Variants in SOWAHB observed in about 807,000 individuals in gnomAD.
The protein encoded by SOWAHB is ankyrin repeat domain-containing protein SOWAHB.
Under a neutral mutation model 18.3 loss-of-function variants are expected in SOWAHB, and 17 were observed. The ratio of observed to expected loss-of-function variants is 0.93; its 90% CI spans 0.64 to 1.40. The LOEUF (loss-of-function observed/expected upper bound fraction) is 1.40, where lower values mean the gene tolerates loss of function less well. SOWAHB is among the 40% of genes most tolerant of loss of function. The pLI is 0.00. For missense variants in SOWAHB, 1,126 were observed against 1,033.7 expected, an observed-to-expected ratio of 1.09 and a Z score of -1.22; for synonymous variants, 496 against 448.1, an observed-to-expected ratio of 1.11 and a Z score of -1.35.
In SOWAHB at chr4:76,895,870, G is replaced by C; in HGVS notation, c.1980C>G (p.Val660=). 1 of 1,614,208 alleles carries C rather than the reference G, an allele frequency of 6.2e-7. No homozygotes were observed. The highest frequency in any genetic ancestry group is 8.5e-7 in the Non-Finnish European group (1 of 1,180,042). Residue 660 remains valine (V), a synonymous_variant, in exon 1 of 1, where the codon GTC becomes GTG. Transcript: ENST00000334306. ...AACTGGACCTCACGTTTACATCAAG[G>C]ACAATCCCTGCCTTCTTTGCTCCAG... The part of the protein sequence containing the change: ...LVSGAKKAGI[V]LDVNVRSSCG...
chr4:76,896,556 T>C lies in SOWAHB; in HGVS notation c.1294A>G (p.Arg432Gly). 1 of 1,613,418 alleles carries C rather than the reference T, an allele frequency of 6.2e-7. No individual in the cohort carries two copies. The highest frequency in any genetic ancestry group is 8.5e-7 in the Non-Finnish European group (1 of 1,179,978). The change falls in exon 1 of 1, where the codon AGG (arginine) becomes GGG (glycine). Residue 432 changes from arginine (R) to glycine (G), a missense_variant. Arg to Gly is a moderately radical substitution (Grantham distance 125). Coordinates refer to ENST00000334306, the MANE Select transcript of SOWAHB (RefSeq NM_001029870.3). ...CCAGCTGGATTCCTGAGCTTCCCCC[T>C]ATCTGGGGTTCCCAAGACAACCTGC... is the stretch of plus-strand genomic sequence containing the variant. The part of the protein sequence containing the change: ...GLQVVLGTPD[R>G]GKLRNPAGGL...
In SOWAHB at chr4:76,897,056, G is replaced by T. The variant is rs1719937585; in HGVS notation, c.794C>A (p.Ala265Asp). The T allele has an allele frequency of 6.5e-7, 1 of 1,540,984 alleles. No homozygotes were observed. Among genetic ancestry groups the T allele is most frequent in the East Asian group, 2.4e-5 (1 of 41,492 alleles). ...AGGCGGGGAAGCCCTGCTTGTCGCAGCCTCGACGGTGGCGGGAGGCGAGTG... is the reference window on the plus strand; with the variant it reads ...AGGCGGGGAAGCCCTGCTTGTCGCATCCTCGACGGTGGCGGGAGGCGAGTG... ...VAHSPPATVE[A>D]ATSRASPPAL... is the part of the protein sequence containing the mutation. Residue 265 changes from alanine to aspartate, a missense_variant, in exon 1 of 1, where the codon GCT (alanine) becomes GAT (aspartate). Transcript: ENST00000334306. The surrounding 1 kb of genome is among the most constrained non-coding windows in gnomAD (Gnocchi z 6.4).
rs772894874 is a variant in SOWAHB, at chr4:76,895,637, A to G, written c.2213T>C (p.Val738Ala). The G allele has an allele frequency of 1.9e-6, 3 of 1,614,122 alleles. No individual in the cohort carries two copies. The highest frequency in any genetic ancestry group is 8.5e-7 in the Non-Finnish European group (1 of 1,180,052). Residue 738 changes from valine to alanine, a missense_variant, in exon 1 of 1, where the codon GTT becomes GCT. Physicochemically the swap from Val to Ala is moderately conservative, Grantham distance 64 (BLOSUM62 0). Coordinates refer to ENST00000334306, the MANE Select transcript of SOWAHB (RefSeq NM_001029870.3). ...GKPIFPVYPL[V>A]GSSSPTRKAK... ...CTTTCTGGTAGGGGAAGAACTTCCA[A>G]CTAAGGGATAGACAGGGAAAATGGG...
Position 76,897,600 on chromosome 4 carries a change from C to G in SOWAHB, c.250G>C (p.Glu84Gln), listed in dbSNP as rs769502393. 10 of 1,609,386 alleles carry G rather than the reference C, an allele frequency of 6.2e-6. No individual in the cohort carries two copies. The South Asian group carries it at 1.1e-4, about 18-fold the overall frequency. ...KRRYRDLLGE[E>Q]GLQRPREPPA... ...GGCTCGCGGGGTCGCTGCAGCCCCTCCTCCCCCAAAAGGTCCCTGTATCTC... is the reference window on the plus strand; with the variant it reads ...GGCTCGCGGGGTCGCTGCAGCCCCTGCTCCCCCAAAAGGTCCCTGTATCTC... Residue 84 changes from glutamate to glutamine, a missense_variant, in exon 1 of 1, where the codon GAG becomes CAG. Physicochemically the swap from Glu to Gln is conservative, Grantham distance 29. Coordinates refer to ENST00000334306, the MANE Select transcript of SOWAHB (RefSeq NM_001029870.3). The surrounding 1 kb of genome is among the most constrained non-coding windows in gnomAD (Gnocchi z 6.4).
Position 76,898,084 on chromosome 4 carries a change from G to T in SOWAHB, c.-235C>A. 1.9e-6 allele frequency: 1 copy of T among 514,906 alleles called. No individual in the cohort carries two copies. Among genetic ancestry groups the T allele is most frequent in the Middle Eastern group, 5.1e-4 (1 of 1,976 alleles). The allele number at this position is 514,906 out of a possible 1,614,324, so 31.9% of individuals were successfully genotyped here. On this transcript the variant is annotated 5_prime_UTR_variant, in exon 1 of 1. Coordinates refer to ENST00000334306, the MANE Select transcript of SOWAHB (RefSeq NM_001029870.3). Reference sequence around the variant, plus strand: ...CGCGGCAGTCTGCGTGAGAGAGGGCGGCTCCGAGGCCGCCCCTGCGCGACT... The same window carrying T: ...CGCGGCAGTCTGCGTGAGAGAGGGCTGCTCCGAGGCCGCCCCTGCGCGACT...
At position 76,896,920 on chromosome 4, in the gene SOWAHB, C is replaced by T. The variant is rs1273675547; in HGVS notation, c.930G>A (p.Val310=). Residue 310 remains valine (V), a synonymous_variant, in exon 1 of 1, where the codon GTG becomes GTA. Coordinates refer to ENST00000334306, the MANE Select transcript of SOWAHB (RefSeq NM_001029870.3). Reference sequence around the variant, plus strand: ...CCTCGGGCACCTGCGGGTGCCTGGCCACCCACTCTCGAGTGCGCTGCTGCT... The same window carrying T: ...CCTCGGGCACCTGCGGGTGCCTGGCTACCCACTCTCGAGTGCGCTGCTGCT... ...QQQQQRTREW[V]ARHPQVPEAR... 4.3e-6 allele frequency: 7 copies of T among 1,611,350 alleles called. No individual in the cohort carries two copies. The highest frequency in any genetic ancestry group is 5.9e-6 in the Non-Finnish European group (7 of 1,179,180).
chr4:76,896,169 G>T lies in SOWAHB; in HGVS notation c.1681C>A (p.Arg561=), dbSNP rs773512197. 1.9e-6 allele frequency: 3 copies of T among 1,556,302 alleles called. No homozygotes were observed. Among genetic ancestry groups the T allele is most frequent in the African/African-American group, 2.7e-5 (2 of 73,026 alleles). Residue 561 remains arginine, a synonymous_variant, in exon 1 of 1, where the codon CGG becomes AGG. Transcript: ENST00000334306. ...LAEVKAVVAE[R]GWRHSLWVPS... is the part of the protein sequence containing the mutation. ...ACCCACAGGCTGTGTCGCCAACCCC[G>T]CTCGGCCACAACAGCCTTAACCTCT...
chr4:76,896,332 T>C lies in SOWAHB; in HGVS notation c.1518A>G (p.Lys506=). Residue 506 remains lysine (K), a synonymous_variant, in exon 1 of 1, where the codon AAA becomes AAG. Coordinates refer to ENST00000334306, the MANE Select transcript of SOWAHB (RefSeq NM_001029870.3). Reference sequence around the variant, plus strand: ...GGTACTCCTCATCAGAGGAGGACAATTTGGCTCTCCCTGCCAGAGAGCTCC... The same window carrying C: ...GGTACTCCTCATCAGAGGAGGACAACTTGGCTCTCCCTGCCAGAGAGCTCC... ...LRRSSLAGRA[K]LSSSDEEYLD... 1 of 1,604,510 alleles carries C rather than the reference T, an allele frequency of 6.2e-7. No individual in the cohort carries two copies. Among genetic ancestry groups the C allele is most frequent in the East Asian group, 2.2e-5 (1 of 44,556 alleles).
Position 76,896,389 on chromosome 4 carries a change from C to T in SOWAHB, c.1461G>A (p.Trp487Ter). 2 of 1,598,630 alleles carry T rather than the reference C, an allele frequency of 1.3e-6. No individual in the cohort carries two copies. Among genetic ancestry groups the T allele is most frequent in the South Asian group, 2.2e-5 (2 of 89,732 alleles). The change falls in exon 1 of 1, where the codon TGG becomes TGA. Residue 487 changes from tryptophan (W) to a stop codon, truncating the protein, a stop_gained. Coordinates refer to ENST00000334306, the MANE Select transcript of SOWAHB (RefSeq NM_001029870.3). LOFTEE classifies it low-confidence loss of function (END_TRUNC). ...GGGACCTCCTTAACTTAGGAACTGG[C>T]CAAGGCAAAGGCTTCAGGGGGTGGC... ...LAGHPLKPLP[W>*]PVPKLRRSLR... is the part of the protein sequence containing the mutation.
chr4:76,895,960 A>C lies in SOWAHB; in HGVS notation c.1890T>G (p.Thr630=). The C allele has an allele frequency of 6.2e-7, 1 of 1,614,156 alleles. No homozygotes were observed. The highest frequency in any genetic ancestry group is 8.5e-7 in the Non-Finnish European group (1 of 1,180,044). ...CTATCCAGTGCAACGCAGTGTACCC[A>C]GTCAAAAAGTCTTTGTGCAAGGCCA... The part of the protein sequence containing the change: ...PQLALHKDFL[T]GYTALHWIAK... The change falls in exon 1 of 1, where the codon ACT becomes ACG. Residue 630 remains threonine, a synonymous_variant. Coordinates refer to ENST00000334306, the MANE Select transcript of SOWAHB (RefSeq NM_001029870.3).
chr4:76,896,703 G>A lies in SOWAHB; in HGVS notation c.1147C>T (p.Arg383Cys), dbSNP rs1719923622. The change falls in exon 1 of 1, where the codon CGC becomes TGC. Residue 383 changes from arginine (R) to cysteine (C), a missense_variant. Transcript: ENST00000334306. ...WAGNPSLTVF[R>C]SIRCQLSLQD... Reference sequence around the variant, plus strand: ...AGGGACAGCTGACAACGAATGCTGCGAAAGACAGTCAATGAAGGGTTCCCC... The same window carrying A: ...AGGGACAGCTGACAACGAATGCTGCAAAAGACAGTCAATGAAGGGTTCCCC... The A allele has an allele frequency of 6.2e-7, 1 of 1,614,004 alleles. No individual in the cohort carries two copies. The highest frequency in any genetic ancestry group is 1.1e-5 in the South Asian group (1 of 91,084).
Position 76,895,363 on chromosome 4 carries a change from G to A in SOWAHB, c.*105C>T, listed in dbSNP as rs1719883995. 8 of 1,151,064 alleles carry A rather than the reference G, an allele frequency of 7.0e-6. No individual in the cohort carries two copies. Among genetic ancestry groups the A allele is most frequent in the Admixed American group, 5.1e-5 (2 of 39,234 alleles). 71.3% of individuals were successfully genotyped at this position (1,151,064 alleles called of 1,614,324 possible). ...CAGGGAGGTCAACACCATCTCACTCGACCATCCTCTTTACCAACTCTCAGC... is the reference window on the plus strand; with the variant it reads ...CAGGGAGGTCAACACCATCTCACTCAACCATCCTCTTTACCAACTCTCAGC... On this transcript the variant is annotated 3_prime_UTR_variant, in exon 1 of 1. Transcript: ENST00000334306.
Position 76,895,846 on chromosome 4 carries a change from A to C in SOWAHB, c.2004T>G (p.Ser668Arg), listed in dbSNP as rs1276670120. 2.5e-6 allele frequency: 4 copies of C among 1,614,100 alleles called. No individual in the cohort carries two copies. The highest frequency in any genetic ancestry group is 3.4e-6 in the Non-Finnish European group (4 of 1,180,052). The stretch of plus-strand genomic sequence containing the variant: ...CAAGGTGCAGCGGGGTATATCCACA[A>C]CTGGACCTCACGTTTACATCAAGGA... ...GIVLDVNVRSSCGYTPLHLAA... is the reference protein window; with the variant it reads ...GIVLDVNVRSRCGYTPLHLAA... Residue 668 changes from serine to arginine, a missense_variant, in exon 1 of 1, where the codon AGT becomes AGG. Ser to Arg is a moderately radical substitution (Grantham distance 110). Transcript: ENST00000334306.
Position 76,897,019 on chromosome 4 carries a change from G to C in SOWAHB, c.831C>G (p.Pro277=). Residue 277 remains proline (P), a synonymous_variant, in exon 1 of 1, where the codon CCC becomes CCG. Transcript: ENST00000334306. The surrounding 1 kb of genome is among the most constrained non-coding windows in gnomAD (Gnocchi z 6.4). ...TSRASPPALL[P]GPAPRGDRPE... is the part of the protein sequence containing the mutation. ...GCCGGTCTCCGCGGGGAGCGGGGCCGGGCAGGAGAGCAGGCGGGGAAGCCC... is the reference window on the plus strand; with the variant it reads ...GCCGGTCTCCGCGGGGAGCGGGGCCCGGCAGGAGAGCAGGCGGGGAAGCCC... 6.4e-7 allele frequency: 1 copy of C among 1,556,822 alleles called. No homozygotes were observed. Among genetic ancestry groups the C allele is most frequent in the Non-Finnish European group, 8.6e-7 (1 of 1,157,658 alleles).
Position 76,895,247 on chromosome 4 carries a change from G to T in SOWAHB, c.*221C>A. The T allele has an allele frequency of 2.1e-6, 1 of 480,878 alleles. No homozygotes were observed. Among genetic ancestry groups the T allele is most frequent in the Non-Finnish European group, 3.6e-6 (1 of 276,026 alleles). 29.8% of individuals were successfully genotyped at this position (480,878 alleles called of 1,614,324 possible). The stretch of plus-strand genomic sequence containing the variant: ...TCCTAGATATCAAGCACCTGGCCCC[G>T]CCTCTTGTCTAGGTTTCTCCAGTCA... On this transcript the variant is annotated 3_prime_UTR_variant, in exon 1 of 1. Coordinates refer to ENST00000334306, the MANE Select transcript of SOWAHB (RefSeq NM_001029870.3).
In SOWAHB at chr4:76,897,233, G is replaced by A; in HGVS notation, c.617C>T (p.Ala206Val). The A allele has an allele frequency of 6.3e-7, 1 of 1,581,450 alleles. No homozygotes were observed. Among genetic ancestry groups the A allele is most frequent in the Non-Finnish European group, 8.5e-7 (1 of 1,172,082 alleles). ...TGCGCCGAGCTCTCCCGGCAGTACA[G>A]CCAGGTTGTTCTGGAGGCATTCCCA... ...CCWECLQNNL[A>V]VLPGELGALP... The change falls in exon 1 of 1, where the codon GCT (alanine) becomes GTT (valine). Residue 206 changes from alanine (A) to valine (V), a missense_variant. Physicochemically the swap from Ala to Val is moderately conservative, Grantham distance 64. Coordinates refer to ENST00000334306, the MANE Select transcript of SOWAHB (RefSeq NM_001029870.3). This position sits in a 1 kb window ranked among gnomAD's most constrained non-coding sequence, Gnocchi z 6.4.
rs150658509 is a variant in SOWAHB, at chr4:76,896,304, C to T, written c.1546G>A (p.Asp516Asn). 1.3e-4 allele frequency: 215 copies of T among 1,608,758 alleles called. 1 individual carries two copies. In the East Asian group the frequency reaches 2.0e-3, roughly 15 times the overall value. ...CGACTTCTTTTCAGCAAGCCCTCAT[C>T]GAGGTACTCCTCATCAGAGGAGGAC... is the stretch of plus-strand genomic sequence containing the variant. ...KLSSSDEEYL[D>N]EGLLKRSRRP... Residue 516 changes from aspartate (D) to asparagine (N), a missense_variant, in exon 1 of 1, where the codon GAT (aspartate) becomes AAT (asparagine). Transcript: ENST00000334306.
At position 76,896,160 on chromosome 4, in the gene SOWAHB, G is replaced by A. The variant is rs774713908; in HGVS notation, c.1690C>T (p.Arg564Ter). ...VKAVVAERGW[R>*]HSLWVPSGEG... ...CCACTGGGGACCCACAGGCTGTGTC[G>A]CCAACCCCGCTCGGCCACAACAGCC... Residue 564 changes from arginine to a stop codon, truncating the protein, a stop_gained, in exon 1 of 1, where the codon CGA (arginine) becomes TGA (stop). Coordinates refer to ENST00000334306, the MANE Select transcript of SOWAHB (RefSeq NM_001029870.3). LOFTEE classifies it high-confidence loss of function. 1.6e-5 allele frequency: 25 copies of A among 1,556,764 alleles called. No homozygotes were observed. Among genetic ancestry groups the A allele is most frequent in the Admixed American group, 3.8e-5 (2 of 52,242 alleles).
Position 76,896,159 on chromosome 4 carries a change from C to A in SOWAHB, c.1691G>T (p.Arg564Leu). ...CCCACTGGGGACCCACAGGCTGTGT[C>A]GCCAACCCCGCTCGGCCACAACAGC... ...VKAVVAERGW[R>L]HSLWVPSGEG... The change falls in exon 1 of 1, where the codon CGA (arginine) becomes CTA (leucine). Residue 564 changes from arginine (R) to leucine (L), a missense_variant. Coordinates refer to ENST00000334306, the MANE Select transcript of SOWAHB (RefSeq NM_001029870.3). 6.4e-7 allele frequency: 1 copy of A among 1,556,944 alleles called. No homozygotes were observed. Among genetic ancestry groups the A allele is most frequent in the South Asian group, 1.2e-5 (1 of 81,314 alleles).
Sources: allele counts gnomAD v4.1 joint callset, GRCh38; gene constraint gnomAD v4.1.1; non-coding constraint Gnocchi (gnomAD v3.1); transcripts MANE v1.5; gene names NCBI Gene and HGNC (gene_info 2026-07-23, HGNC 2026-07-21).